The following CADM2 variants were observed in gnomAD, a reference collection of about 807,000 sequenced individuals.
The protein encoded by CADM2 is immunoglobulin superfamily member 4D.
In CADM2, 12 loss-of-function variants were observed where a neutral mutation model predicts 49.8. The observed-to-expected ratio is 0.24, with a 90% confidence interval of 0.15 to 0.39. The LOEUF is 0.39. CADM2 is among the 10% of genes least tolerant of loss of function. The pLI is 1.00. For synonymous variants in CADM2, 214 were observed against 175.4 expected (o/e 1.22, Z -1.74); for missense variants, 378 against 492.3 (o/e 0.77, Z 2.20).
At chr3:85,581,773 A>G (rs777705949) in intron 1 of CADM2, among the ~76,000 whole-genome samples, 2 of 152,070 alleles carry the variant, frequency 1.3e-5, no homozygotes, top group Admixed American at 6.6e-5. Flanking sequence ...GAAGCCAAAT[A>G]AAGACATTAT....
chr3:85,915,136 A>G (rs1161440262), intron 6 of CADM2, among the ~76,000 whole-genome samples: 1 of 152,168 alleles, frequency 6.6e-6, no homozygotes, highest in African/African-American at 2.4e-5. Context: ...TTGGAAATCA[A>G]AAATGGAAGT....
intron 1 of CADM2, among the ~76,000 whole-genome samples, chr3:85,233,842 T>TA (rs1364580691): frequency 6.6e-6 from 1 of 152,030 alleles, no homozygotes; most frequent in East Asian, 1.9e-4. Flanking sequence ...GTCTTTAGAT[T>TA]AAAAAAATAG....
At chr3:85,262,469 A>G (rs1271422627) in intron 1 of CADM2, among the ~76,000 whole-genome samples, 1 of 152,148 alleles carries the variant, frequency 6.6e-6, no homozygotes, top group African/African-American at 2.4e-5. Flanking sequence ...TTATTTAATA[A>G]GGCTGAATTG....
At chr3:85,707,702 A>G (rs1029085614) in intron 1 of CADM2, among the ~76,000 whole-genome samples, 2 of 152,134 alleles carry the variant, frequency 1.3e-5, no homozygotes, top group African/African-American at 4.8e-5. Context: ...TCAATCGAAA[A>G]TACATCTTCC....
At chr3:85,120,869 A>C (rs989040737) in intron 1 of CADM2, among the ~76,000 whole-genome samples, 1 of 152,226 alleles carries the variant, frequency 6.6e-6, no homozygotes, top group South Asian at 2.1e-4. Flanking sequence ...CATCTCCAGA[A>C]ATCTCAGCTG....
In CADM2 at chr3:84,959,512, G is replaced by A; in HGVS notation, c.-96G>A. 6 of 1,228,728 alleles carry A rather than the reference G, an allele frequency of 4.9e-6. No individual in the cohort carries two copies. The highest frequency in any genetic ancestry group is 6.8e-6 in the Non-Finnish European group (6 of 877,188). The allele number at this position is 1,228,728 out of a possible 1,614,324, so 76.1% of individuals were successfully genotyped here. ...GGGACGGTGGGTCCGGCGGGCGCCG[G>A]GAGGAGGACACCAGCGGAGCCCTGC... On this transcript the variant is annotated 5_prime_UTR_variant, in exon 1 of 10. Coordinates refer to ENST00000383699, the MANE Select transcript of CADM2 (RefSeq NM_001167675.2).
At chr3:85,411,312 T>C (rs970214771) in intron 1 of CADM2, among the ~76,000 whole-genome samples, 7 of 152,180 alleles carry the variant, frequency 4.6e-5, no homozygotes, top group Non-Finnish European at 1.0e-4. Context: ...TTCATGAACA[T>C]GACTGAAAAT....
intron 1 of CADM2, among the ~76,000 whole-genome samples, chr3:85,616,339 C>A (rs962068208): frequency 6.6e-6 from 1 of 152,142 alleles, no homozygotes; most frequent in African/African-American, 2.4e-5. Context: ...ATAGAATTTA[C>A]ATACATATAA....
At chr3:85,197,956 A>G (rs2041385368) in intron 1 of CADM2, among the ~76,000 whole-genome samples, 1 of 151,862 alleles carries the variant, frequency 6.6e-6, no homozygotes, top group Admixed American at 6.6e-5. Flanking sequence ...TGCTGATCAC[A>G]AAGGTTTTCC....
chr3:86,013,142 C>T (rs777305221), intron 8 of CADM2: 1 of 1,342,192 alleles, frequency 7.5e-7, no homozygotes, highest in Non-Finnish European at 1.1e-6. Context: ...TAAGTAGACA[C>T]AGAAAACGAA....
At chr3:85,925,058 A>G (rs900516130) in intron 6 of CADM2, among the ~76,000 whole-genome samples, 1 of 152,090 alleles carries the variant, frequency 6.6e-6, no homozygotes, top group Non-Finnish European at 1.5e-5. Context: ...CCCTCTAGAA[A>G]ATTTCTACCA....
chr3:85,854,645 G>A (rs764341384), intron 3 of CADM2, among the ~76,000 whole-genome samples: 6 of 152,034 alleles, frequency 3.9e-5, no homozygotes, highest in Non-Finnish European at 7.3e-5. Flanking sequence ...GGGGGTCAAG[G>A]GGAGGGATAG....
At position 86,061,289 on chromosome 3, in the gene CADM2, T is replaced by C. The variant is rs553674166; in HGVS notation, c.971-4316T>C. 2.6e-5 allele frequency among the ~76,000 whole-genome samples: 4 copies of C among 152,148 alleles called. No individual in the cohort carries two copies. The East Asian group carries it at 7.7e-4, about 29-fold the overall frequency. On this transcript the variant is annotated intron_variant, in intron 8 of 9. Transcript: ENST00000383699. ...ATTTTTCTGAACTTGATAGGGGGTG[T>C]TTTTAGAAGTCCTTCAACTGATTTT...
chr3:85,649,480 A>G (rs1005520762), intron 1 of CADM2, among the ~76,000 whole-genome samples: 1 of 152,170 alleles, frequency 6.6e-6, no homozygotes, highest in Non-Finnish European at 1.5e-5. Flanking sequence ...GATAAAGAAA[A>G]CATATTCTAA....
chr3:85,118,354 C>T lies in CADM2; in HGVS notation c.61+158686C>T, dbSNP rs189788109. ...AACCATGTGTATTAGTCTGTTTTCACGCTGCTGATAAAGATATACCCAAAA... is the reference window on the plus strand; with the variant it reads ...AACCATGTGTATTAGTCTGTTTTCATGCTGCTGATAAAGATATACCCAAAA... On this transcript the variant is annotated intron_variant, in intron 1 of 9. Coordinates refer to ENST00000383699, the MANE Select transcript of CADM2 (RefSeq NM_001167675.2). Among the ~76,000 whole-genome samples, 291 of 152,164 alleles carry T rather than the reference C, an allele frequency of 1.9e-3. 4 individuals carry two copies. The highest frequency in any genetic ancestry group is 5.4e-3 in the Admixed American group (82 of 15,280).
At chr3:85,628,500 CT>C (rs1267081723) in intron 1 of CADM2, among the ~76,000 whole-genome samples, 6 of 144,898 alleles carry the variant, frequency 4.1e-5, no homozygotes, top group Non-Finnish European at 9.1e-5. Context: ...TTCTCACCCC[CT>C]CTCCCATATA....
At chr3:85,993,347 G>A (rs568045750) in intron 8 of CADM2, 35 of 152,222 alleles carry the variant, frequency 2.3e-4, no homozygotes, top group African/African-American at 4.3e-4. Context: ...CACATCTTTA[G>A]GCTCTACTTA....
intron 1 of CADM2, among the ~76,000 whole-genome samples, chr3:85,565,391 G>C (rs2062228056): frequency 6.6e-6 from 1 of 151,956 alleles, no homozygotes; most frequent in African/African-American, 2.4e-5. Flanking sequence ...TATATATGAA[G>C]AAAACGGCAG....
intron 1 of CADM2, among the ~76,000 whole-genome samples, chr3:85,241,416 G>A (rs1289279976): frequency 6.6e-6 from 1 of 151,478 alleles, no homozygotes; most frequent in Non-Finnish European, 1.5e-5. Flanking sequence ...ACGAAAACTT[G>A]AAATTGAGTA....
Sources: gnomAD v4.1 joint callset for allele counts (sites outside exome capture counted in the v4.1 genomes callset) on GRCh38, gnomAD v4.1.1 for gene constraint, MANE v1.5 for transcripts, NCBI Gene and HGNC (gene_info 2026-07-23, HGNC 2026-07-21) for gene names.